RTL3: variants seen among roughly 807,000 people sequenced by gnomAD.
The protein encoded by RTL3 is retrotransposon Gag-like protein 3.
For synonymous variants in RTL3, 181 were observed against 132.2 expected (o/e 1.37, Z -2.53); for missense variants, 468 against 341.8 (o/e 1.37, Z -2.91).
chrX:78,657,195 C>T lies in RTL3; in HGVS notation c.1226G>A (p.Gly409Glu), dbSNP rs766545682. The T allele has an allele frequency of 8.2e-7, 1 of 1,212,240 alleles. No homozygotes were observed. The highest frequency in any genetic ancestry group is 2.2e-5 in the Admixed American group (1 of 46,118). ...NPLGKSSSAEGDGPESPPAEN... is the reference protein window; with the variant it reads ...NPLGKSSSAEEDGPESPPAEN... ...AGCTGGTGGACTCTCGGGTCCATCTCCCTCTGCAGAGGAACTTTTCCCTAA... is the reference window on the plus strand; with the variant it reads ...AGCTGGTGGACTCTCGGGTCCATCTTCCTCTGCAGAGGAACTTTTCCCTAA... The change falls in exon 2 of 2, where the codon GGA (glycine) becomes GAA (glutamate). Residue 409 changes from glycine (G) to glutamate (E), a missense_variant. Coordinates refer to ENST00000321110, the MANE Select transcript of RTL3 (RefSeq NM_152694.3).
chrX:78,657,051 T>G lies in RTL3; in HGVS notation c.1370A>C (p.Asp457Ala), dbSNP rs988370587. The change falls in exon 2 of 2, where the codon GAT becomes GCT. Residue 457 changes from aspartate (D) to alanine (A), a missense_variant. Transcript: ENST00000321110. ...GGCCTGATGAGGCTTGACAGGGCAA[T>G]CTCTGGCAAAATGACCAGGATAACC... is the stretch of plus-strand genomic sequence containing the variant. ...YCGYPGHFARDCPVKPHQALQ... is the reference protein window; with the variant it reads ...YCGYPGHFARACPVKPHQALQ... The G allele has an allele frequency of 7.4e-6, 9 of 1,212,051 alleles. No homozygotes were observed. The highest frequency in any genetic ancestry group is 3.5e-5 in the African/African-American group (2 of 57,923).
Position 78,658,508 on chromosome X carries a change from A to T in RTL3, c.-88T>A. On this transcript the variant is annotated 5_prime_UTR_variant, in exon 2 of 2. Coordinates refer to ENST00000321110, the MANE Select transcript of RTL3 (RefSeq NM_152694.3). ...GAGATCCTTCCTGAAAGCTGCTTAC[A>T]GGCAGATGTCAGGCTCAGTGAGTTT... 1 of 910,313 alleles carries T rather than the reference A, an allele frequency of 1.1e-6. No individual in the cohort carries two copies. Among genetic ancestry groups the T allele is most frequent in the Non-Finnish European group, 1.5e-6 (1 of 672,441 alleles). The allele number at this position is 910,313 out of a possible 1,213,427, so 75.0% of individuals were successfully genotyped here.
Position 78,657,057 on chromosome X carries a change from G to A in RTL3, c.1364C>T (p.Ala455Val). The A allele has an allele frequency of 8.2e-7, 1 of 1,212,188 alleles. No homozygotes were observed. The highest frequency in any genetic ancestry group is 3.0e-5 in the East Asian group (1 of 33,832). ...ATGAGGCTTGACAGGGCAATCTCTGGCAAAATGACCAGGATAACCACAGTA... is the reference window on the plus strand; with the variant it reads ...ATGAGGCTTGACAGGGCAATCTCTGACAAAATGACCAGGATAACCACAGTA... ...CLYCGYPGHF[A>V]RDCPVKPHQA... The change falls in exon 2 of 2, where the codon GCC becomes GTC. Residue 455 changes from alanine to valine, a missense_variant. Physicochemically the swap from Ala to Val is moderately conservative, Grantham distance 64. Coordinates refer to ENST00000321110, the MANE Select transcript of RTL3 (RefSeq NM_152694.3).
rs1254743579 is a variant in RTL3, at chrX:78,656,954, G to A, written c.*39C>T. On this transcript the variant is annotated 3_prime_UTR_variant, in exon 2 of 2. Transcript: ENST00000321110. ...TGAGACATGGATATTGGAAGAGAGG[G>A]GGACGCATATTTGTAGATTGGCCCA... 1.5e-5 allele frequency: 17 copies of A among 1,131,166 alleles called. No homozygotes were observed. The highest frequency in any genetic ancestry group is 2.0e-5 in the Non-Finnish European group (17 of 841,832). The allele number at this position is 1,131,166 out of a possible 1,213,427, so 93.2% of individuals were successfully genotyped here.
In RTL3 at chrX:78,657,593, C is replaced by T. The variant is rs1305756579; in HGVS notation, c.828G>A (p.Val276=). 4 of 1,205,119 alleles carry T rather than the reference C, an allele frequency of 3.3e-6. No individual in the cohort carries two copies. Among genetic ancestry groups the T allele is most frequent in the Non-Finnish European group, 3.4e-6 (3 of 892,613 alleles). The change falls in exon 2 of 2, where the codon GTG becomes GTA. Residue 276 remains valine (V), a synonymous_variant. Coordinates refer to ENST00000321110, the MANE Select transcript of RTL3 (RefSeq NM_152694.3). ...GHLYPTEAAL[V]SFVGNCFSGR... is the part of the protein sequence containing the mutation. ...CTGAGAAGCAATTGCCAACAAAGCTCACCAGGGCTGCTTCAGTGGGATACA... is the reference window on the plus strand; with the variant it reads ...CTGAGAAGCAATTGCCAACAAAGCTTACCAGGGCTGCTTCAGTGGGATACA...
rs2147455981 is a variant in RTL3 at position 78,657,922 on chromosome X, G to A, written c.499C>T (p.Pro167Ser). The part of the protein sequence containing the change: ...EPQDPPNIEK[P>S]QEAPEYQETA... Reference sequence around the variant, plus strand: ...TCCTGGTATTCTGGTGCCTCCTGGGGCTTCTCAATATTTGGGGGATCCTGG... The same window carrying A: ...TCCTGGTATTCTGGTGCCTCCTGGGACTTCTCAATATTTGGGGGATCCTGG... The change falls in exon 2 of 2, where the codon CCC (proline) becomes TCC (serine). Residue 167 changes from proline to serine, a missense_variant. Pro to Ser is a moderately conservative substitution (Grantham distance 74). Transcript: ENST00000321110. The A allele has an allele frequency of 3.3e-6, 4 of 1,208,541 alleles. No individual in the cohort carries two copies. The highest frequency in any genetic ancestry group is 4.5e-6 in the Non-Finnish European group (4 of 894,666).
Position 78,657,522 on chromosome X carries a change from G to T in RTL3, c.899C>A (p.Pro300His). 8.3e-7 allele frequency: 1 copy of T among 1,206,856 alleles called. No individual in the cohort carries two copies. The highest frequency in any genetic ancestry group is 3.0e-5 in the East Asian group (1 of 33,696). ...GAAACTTTCACATTGCTCCAGTAAG[G>T]GGCTTTGGATATCCAGTAAGAGCTG... is the stretch of plus-strand genomic sequence containing the variant. Reference protein sequence around the residue: ...WFQLLLDIQSPLLEQCESFIP... With the variant: ...WFQLLLDIQSHLLEQCESFIP... Residue 300 changes from proline (P) to histidine (H), a missense_variant, in exon 2 of 2, where the codon CCC (proline) becomes CAC (histidine). By Grantham distance (77) the Pro-to-His change is moderately conservative (BLOSUM62 -2). Transcript: ENST00000321110.
In RTL3 at chrX:78,657,329, A is replaced by T. The variant is rs760967574; in HGVS notation, c.1092T>A (p.Gly364=). 1 of 1,209,956 alleles carries T rather than the reference A, an allele frequency of 8.3e-7. No individual in the cohort carries two copies. ...GTTCATCTTGTATAGAACTGGCAAG[A>T]CCTTCTTGAAATTGGATCCAGAGAG... ...ESTLWIQFQE[G]LASSIQDELS... is the part of the protein sequence containing the mutation. The change falls in exon 2 of 2, where the codon GGT becomes GGA. Residue 364 remains glycine (G), a synonymous_variant. Transcript: ENST00000321110.
Position 78,657,318 on chromosome X carries a change from G to C in RTL3, c.1103C>G (p.Ser368Cys). Residue 368 changes from serine to cysteine, a missense_variant, in exon 2 of 2, where the codon TCT (serine) becomes TGT (cysteine). Physicochemically the swap from Ser to Cys is moderately radical, Grantham distance 112 (BLOSUM62 -1). Coordinates refer to ENST00000321110, the MANE Select transcript of RTL3 (RefSeq NM_152694.3). ...TGTGTGAGACAGTTCATCTTGTATA[G>C]AACTGGCAAGACCTTCTTGAAATTG... ...WIQFQEGLAS[S>C]IQDELSHTSP... 1 of 1,211,797 alleles carries C rather than the reference G, an allele frequency of 8.3e-7. No homozygotes were observed. The highest frequency in any genetic ancestry group is 1.1e-6 in the Non-Finnish European group (1 of 895,543).
Position 78,657,532 on chromosome X carries a change from T to A in RTL3, c.889A>T (p.Ile297Phe). Reference sequence around the variant, plus strand: ...CATTGCTCCAGTAAGGGGCTTTGGATATCCAGTAAGAGCTGGAACCACCAT... The same window carrying A: ...CATTGCTCCAGTAAGGGGCTTTGGAAATCCAGTAAGAGCTGGAACCACCAT... ...AGWWFQLLLD[I>F]QSPLLEQCES... Residue 297 changes from isoleucine (I) to phenylalanine (F), a missense_variant, in exon 2 of 2, where the codon ATC becomes TTC. Ile to Phe is a conservative substitution (Grantham distance 21). Transcript: ENST00000321110. The A allele has an allele frequency of 8.3e-7, 1 of 1,207,331 alleles. No individual in the cohort carries two copies. The highest frequency in any genetic ancestry group is 1.1e-6 in the Non-Finnish European group (1 of 893,104).
At position 78,657,347 on chromosome X, in the gene RTL3, C is replaced by A; in HGVS notation, c.1074G>T (p.Trp358Cys). 8.3e-7 allele frequency: 1 copy of A among 1,211,665 alleles called. No homozygotes were observed. The highest frequency in any genetic ancestry group is 3.0e-5 in the East Asian group (1 of 33,816). ...TGGCAAGACCTTCTTGAAATTGGAT[C>A]CAGAGAGTGCTTTCATCCCAGTTCA... ...QELNWDESTLWIQFQEGLASS... is the reference protein window; with the variant it reads ...QELNWDESTLCIQFQEGLASS... Residue 358 changes from tryptophan (W) to cysteine (C), a missense_variant, in exon 2 of 2, where the codon TGG (tryptophan) becomes TGT (cysteine). Physicochemically the swap from Trp to Cys is radical, Grantham distance 215. Coordinates refer to ENST00000321110, the MANE Select transcript of RTL3 (RefSeq NM_152694.3).
chrX:78,657,999 G>A lies in RTL3; in HGVS notation c.422C>T (p.Pro141Leu). The A allele has an allele frequency of 8.4e-7, 1 of 1,189,402 alleles. No homozygotes were observed. The highest frequency in any genetic ancestry group is 1.1e-6 in the Non-Finnish European group (1 of 888,293). Residue 141 changes from proline to leucine, a missense_variant, in exon 2 of 2, where the codon CCT becomes CTT. Physicochemically the swap from Pro to Leu is moderately conservative, Grantham distance 98. Coordinates refer to ENST00000321110, the MANE Select transcript of RTL3 (RefSeq NM_152694.3). ...EIPTVLEGQG[P>L]ANTQDATIAQ... Reference sequence around the variant, plus strand: ...TATTGTGGCATCCTGGGTGTTTGCAGGCCCCTGGCCCTCCAAGACTGTTGG... The same window carrying A: ...TATTGTGGCATCCTGGGTGTTTGCAAGCCCCTGGCCCTCCAAGACTGTTGG...
rs770469293 is a variant in RTL3, at chrX:78,657,714, A to G, written c.707T>C (p.Phe236Ser). Residue 236 changes from phenylalanine to serine, a missense_variant, in exon 2 of 2, where the codon TTC becomes TCC. By Grantham distance (155) the Phe-to-Ser change is radical. Coordinates refer to ENST00000321110, the MANE Select transcript of RTL3 (RefSeq NM_152694.3). ...GAAGGTTAAAGTGTATTGCAGGGGG[A>G]AATCTGTAGCCTCTAACCCAATAGG... is the stretch of plus-strand genomic sequence containing the variant. ...QAPIGLEATD[F>S]PLQYTLTFSG... The G allele has an allele frequency of 6.0e-5, 72 of 1,208,738 alleles. No individual in the cohort carries two copies. The South Asian group carries it at 1.2e-3, about 20-fold the overall frequency.
Position 78,657,827 on chromosome X carries a change from C to T in RTL3, c.594G>A (p.Gln198=). 8.3e-7 allele frequency: 1 copy of T among 1,211,381 alleles called. No individual in the cohort carries two copies. The highest frequency in any genetic ancestry group is 1.1e-6 in the Non-Finnish European group (1 of 895,379). ...GGGCTGCTGAGAGTTCTAGGAATTC[C>T]TGGGCATTTGAAGGCTCCAGAGGCT... is the stretch of plus-strand genomic sequence containing the variant. ...PQEPLEPSNA[Q]EFLELSAAQE... Residue 198 remains glutamine (Q), a synonymous_variant, in exon 2 of 2, where the codon CAG becomes CAA. Coordinates refer to ENST00000321110, the MANE Select transcript of RTL3 (RefSeq NM_152694.3).
At chrX:78,658,740 T>C (rs759524704) in intron 1 of RTL3, 92 bp from the exon 2 acceptor site, 2 of 175,030 alleles carry the variant, frequency 1.1e-5, no homozygotes, top group Non-Finnish European at 2.2e-5. Flanking sequence ...GGGTTTCTTT[T>C]ACCATAGGCT....
At position 78,656,801 on chromosome X, in the gene RTL3, G is replaced by A. The variant is rs1210992872; in HGVS notation, c.*192C>T. 3 of 446,606 alleles carry A rather than the reference G, an allele frequency of 6.7e-6. No homozygotes were observed. Among genetic ancestry groups the A allele is most frequent in the African/African-American group, 2.5e-5 (1 of 40,776 alleles). The allele number at this position is 446,606 out of a possible 1,213,427, so 36.8% of individuals were successfully genotyped here. ...AGCATCAGAGGGAAGATATTACTGC[G>A]GATGGGCAGCTTCTCTCGAAGAACC... On this transcript the variant is annotated 3_prime_UTR_variant, in exon 2 of 2. Coordinates refer to ENST00000321110, the MANE Select transcript of RTL3 (RefSeq NM_152694.3).
rs1923011577 is a variant in RTL3 at position 78,657,144 on chromosome X, A to G, written c.1277T>C (p.Ile426Thr). ...PAENQPMQAA[I>T]NCPHISEAEW... ...AGCTTCACTGATGTGTGGGCAGTTG[A>G]TTGCAGCCTGCATAGGTTGGTTTTC... Residue 426 changes from isoleucine to threonine, a missense_variant, in exon 2 of 2, where the codon ATC becomes ACC. Physicochemically the swap from Ile to Thr is moderately conservative, Grantham distance 89. Coordinates refer to ENST00000321110, the MANE Select transcript of RTL3 (RefSeq NM_152694.3). 1 of 1,212,070 alleles carries G rather than the reference A, an allele frequency of 8.3e-7. No individual in the cohort carries two copies. The highest frequency in any genetic ancestry group is 1.1e-6 in the Non-Finnish European group (1 of 895,554).
rs1923067806 is a variant in RTL3, at chrX:78,658,477, G to A, written c.-57C>T. 1 of 1,034,907 alleles carries A rather than the reference G, an allele frequency of 9.7e-7. No homozygotes were observed. Among genetic ancestry groups the A allele is most frequent in the South Asian group, 2.7e-5 (1 of 37,620 alleles). The allele number at this position is 1,034,907 out of a possible 1,213,427, so 85.3% of individuals were successfully genotyped here. A position where few individuals can be genotyped will look rare whatever the true frequency, so the allele number is the denominator to read the frequency against. On this transcript the variant is annotated 5_prime_UTR_variant, in exon 2 of 2. Transcript: ENST00000321110. ...TGCTACCAAGAGAGATTGGGTGGGTGTTTGTGAGATCCTTCCTGAAAGCTG... is the reference window on the plus strand; with the variant it reads ...TGCTACCAAGAGAGATTGGGTGGGTATTTGTGAGATCCTTCCTGAAAGCTG...
rs1922977090 is a variant in RTL3, at chrX:78,656,301, G to T, written c.*692C>A. The T allele has an allele frequency of 9.8e-6, 1 of 101,565 alleles. No homozygotes were observed. Among genetic ancestry groups the T allele is most frequent in the Admixed American group, 1.0e-4 (1 of 9,783 alleles). The allele number at this position is 101,565 out of a possible 1,213,427, so 8.4% of individuals were successfully genotyped here. On this transcript the variant is annotated 3_prime_UTR_variant, in exon 2 of 2. Coordinates refer to ENST00000321110, the MANE Select transcript of RTL3 (RefSeq NM_152694.3). ...CAGGATGCAGAGTTCTGAGATAGAG[G>T]CATGCAGAGTTAGTGAAAAAAAAAA... is the stretch of plus-strand genomic sequence containing the variant.
Sources: allele counts gnomAD v4.1 joint callset, GRCh38; gene constraint gnomAD v4.1.1; transcripts MANE v1.5; gene names NCBI Gene and HGNC (gene_info 2026-07-23, HGNC 2026-07-21).